The following PALM2AKAP2 variants were observed in gnomAD, a reference collection of about 807,000 sequenced individuals.
PALM2AKAP2 encodes PALM2-AKAP2 fusion protein.
Under a neutral mutation model 71.5 loss-of-function variants are expected in PALM2AKAP2, and 37 were observed. That is an observed-to-expected ratio of 0.52 (90% CI 0.40 to 0.68). The LOEUF is 0.68. PALM2AKAP2 is among the 30% of genes least tolerant of loss of function. The pLI is 0.00. For missense variants in PALM2AKAP2, 1,224 were observed against 1,191.8 expected, an observed-to-expected ratio of 1.03 and a Z score of -0.40; for synonymous variants, 468 against 478.8, an observed-to-expected ratio of 0.98 and a Z score of 0.29.
At chr9:109,668,963 T>C (rs186587392) in intron 1 of PALM2AKAP2, among the ~76,000 whole-genome samples, 18 of 152,326 alleles carry the variant, frequency 1.2e-4, no homozygotes, top group African/African-American at 3.6e-4. Flanking sequence ...CATCACTGAT[T>C]TTCATTCCTA....
At chr9:110,032,156 A>G (rs1833290373) in intron 7 of PALM2AKAP2, among the ~76,000 whole-genome samples, 1 of 151,754 alleles carries the variant, frequency 6.6e-6, no homozygotes, top group Non-Finnish European at 1.5e-5. Context: ...TACTGCACCC[A>G]TCATACTGTA....
intron 1 of PALM2AKAP2, among the ~76,000 whole-genome samples, chr9:109,689,030 T>A (rs1332155409): frequency 1.3e-5 from 2 of 152,172 alleles, no homozygotes; most frequent in Non-Finnish European, 2.9e-5. Context: ...GGAGGATTAC[T>A]GTTTTTTCTT....
intron 1 of PALM2AKAP2, among the ~76,000 whole-genome samples, chr9:109,724,682 T>C (rs1828451058): frequency 6.6e-6 from 1 of 152,220 alleles, no homozygotes; most frequent in African/African-American, 2.4e-5. Context: ...TAAAACCCTC[T>C]GAAGGGTGTC....
chr9:110,127,853 T>G (rs1276394903), intron 1 of PALM2AKAP2: 4 of 152,212 alleles, frequency 2.6e-5, no homozygotes, highest in Non-Finnish European at 5.9e-5. Flanking sequence ...CTTCTCCTAG[T>G]GCTGTTCGTT....
At chr9:110,000,247 G>A (rs1832658607) in intron 6 of PALM2AKAP2, among the ~76,000 whole-genome samples, 1 of 143,450 alleles carries the variant, frequency 7.0e-6, no homozygotes, top group Non-Finnish European at 1.5e-5. Context: ...CCATCTACAA[G>A]TGAGAACATG....
At chr9:109,867,196 G>GTGTGTGTGTC (rs1273589615) in intron 1 of PALM2AKAP2, 2 of 428,918 alleles carry the variant, frequency 4.7e-6, no homozygotes, top group South Asian at 3.4e-5. Context: ...GTGTGTGTGT[G>GTGTGTGTGTC]TGTGTGTGTC....
chr9:109,934,102 G>A (rs565281628), intron 6 of PALM2AKAP2, among the ~76,000 whole-genome samples: 217 of 152,316 alleles, frequency 1.4e-3, no homozygotes, highest in Non-Finnish European at 2.3e-3. Context: ...GTATAAATGG[G>A]AATTTATTTA....
intron 2 of PALM2AKAP2, among the ~76,000 whole-genome samples, chr9:110,150,501 C>T: frequency 6.6e-6 from 1 of 152,210 alleles, no homozygotes; most frequent in East Asian, 1.9e-4. Context: ...CTCTCGCTGA[C>T]CCTCCTAGTT....
At chr9:109,999,383 A>C (rs1487261758) in intron 6 of PALM2AKAP2, among the ~76,000 whole-genome samples, 1 of 151,790 alleles carries the variant, frequency 6.6e-6, no homozygotes, top group Non-Finnish European at 1.5e-5. Flanking sequence ...AAATAAAAAC[A>C]AATAAAAATA....
intron 2 of PALM2AKAP2, among the ~76,000 whole-genome samples, chr9:110,141,891 C>A (rs929170449): frequency 8.5e-5 from 13 of 152,056 alleles, no homozygotes; most frequent in Non-Finnish European, 1.5e-5. Context: ...TCTTTCCATA[C>A]AAAAGTTATC....
At chr9:109,926,601 A>G (rs1207391846) in intron 5 of PALM2AKAP2, among the ~76,000 whole-genome samples, 2 of 152,176 alleles carry the variant, frequency 1.3e-5, no homozygotes, top group East Asian at 3.8e-4. Context: ...ATTAGCAATA[A>G]TACAGTGCAT....
At chr9:110,016,188 T>A (rs952903036) in intron 7 of PALM2AKAP2, 149 bp downstream of exon 7, 13 of 744,580 alleles carry the variant, frequency 1.7e-5, no homozygotes, top group Non-Finnish European at 2.4e-5. Context: ...GAGGCAACCG[T>A]ACATAAGATT....
intron 1 of PALM2AKAP2, among the ~76,000 whole-genome samples, chr9:109,846,683 C>G (rs1828867679): frequency 6.6e-6 from 1 of 152,180 alleles, no homozygotes; most frequent in African/African-American, 2.4e-5. Context: ...TTGTAAGGCT[C>G]AGATAGAATA....
At chr9:109,833,004 G>T (rs4978852) in intron 1 of PALM2AKAP2, among the ~76,000 whole-genome samples, 167 of 152,152 alleles carry the variant, frequency 1.1e-3, no homozygotes, top group African/African-American at 3.8e-3. Flanking sequence ...TTCCTCATGC[G>T]AGAGCTGTTG....
intron 7 of PALM2AKAP2, among the ~76,000 whole-genome samples, chr9:110,039,995 A>G (rs1833483647): frequency 1.3e-5 from 2 of 152,182 alleles, no homozygotes; most frequent in Middle Eastern, 3.4e-3. Flanking sequence ...AAGGAAGGAG[A>G]GAAGGAAGGA....
rs1171094584 is a variant in PALM2AKAP2 at position 109,771,431 on chromosome 9, G to A, written c.6-9057G>A. On this transcript the variant is annotated intron_variant, in intron 1 of 6. Transcript: ENST00000374531. ...GTCAAGTTCTCTGGGGAGGAGTGGAGGGTACTAGACACCAAATACAGGGTA... is the reference window on the plus strand; with the variant it reads ...GTCAAGTTCTCTGGGGAGGAGTGGAAGGTACTAGACACCAAATACAGGGTA... Among the ~76,000 whole-genome samples, 3 of 152,158 alleles carry A rather than the reference G, an allele frequency of 2.0e-5. No homozygotes were observed. The East Asian group carries it at 5.8e-4, about 29-fold the overall frequency.
chr9:110,141,083 A>G (rs1836016442), intron 2 of PALM2AKAP2, among the ~76,000 whole-genome samples: 1 of 152,176 alleles, frequency 6.6e-6, no homozygotes, highest in African/African-American at 2.4e-5. Flanking sequence ...TAGCACATAA[A>G]CAACTGTCTA....
At chr9:109,863,808 G>A (rs1014485239) in intron 1 of PALM2AKAP2, among the ~76,000 whole-genome samples, 12 of 150,512 alleles carry the variant, frequency 8.0e-5, no homozygotes, top group South Asian at 2.1e-4. Flanking sequence ...GGCTGGGTTC[G>A]GAGGCTAACA....
At chr9:109,780,288 G>C, upstream of PALM2AKAP2, 1 of 1,225,498 alleles carries the variant, frequency 8.2e-7, no homozygotes, top group Non-Finnish European at 1.0e-6. Flanking sequence ...GCGGCCGGGA[G>C]GGCGGGGGCC....
Sources: gnomAD v4.1 joint callset for allele counts (sites outside exome capture counted in the v4.1 genomes callset) on GRCh38, gnomAD v4.1.1 for gene constraint, MANE v1.5 for transcripts, NCBI Gene and HGNC (gene_info 2026-07-23, HGNC 2026-07-21) for gene names.